OBP2B: variants seen among roughly 807,000 people sequenced by gnomAD.
OBP2B encodes the protein odorant-binding protein 2b.
Under a neutral mutation model 21.7 loss-of-function variants are expected in OBP2B, and 10 were observed. The ratio of observed to expected loss-of-function variants is 0.46; its 90% CI spans 0.28 to 0.78. OBP2B has a LOEUF of 0.78. Ranked by LOEUF, OBP2B falls within the 30% of genes least tolerant of loss-of-function variation. The probability of loss-of-function intolerance (pLI) is 0.11; values close to 1 mark genes in which losing one functional copy is unlikely to be tolerated. For synonymous variants in OBP2B, 73 were observed against 91.5 expected, an observed-to-expected ratio of 0.80 and a Z score of 1.16; for missense variants, 153 against 217.7, an observed-to-expected ratio of 0.70 and a Z score of 1.87.
the OBP2B span, among the ~76,000 whole-genome samples, chr9:133,222,164 T>C: frequency 6.6e-6 from 1 of 151,828 alleles, no homozygotes; most frequent in African/African-American, 2.4e-5. Context: ...ACGGCAGAGC[T>C]CTCAGCATGG....
chr9:133,217,566 AG>A, the OBP2B span, among the ~76,000 whole-genome samples: 1 of 152,218 alleles, frequency 6.6e-6, no homozygotes, highest in Non-Finnish European at 1.5e-5. Flanking sequence ...CATTGAATTC[AG>A]GGGACCGCCC....
chr9:133,214,600 C>T, the OBP2B span, among the ~76,000 whole-genome samples: 225 of 152,234 alleles, frequency 1.5e-3, 1 homozygote, highest in African/African-American at 4.7e-3. Context: ...TGTAACTCCC[C>T]CTAAGAGGGA....
the OBP2B span, among the ~76,000 whole-genome samples, chr9:133,218,059 T>G: frequency 3.3e-5 from 5 of 152,190 alleles, no homozygotes; most frequent in African/African-American, 1.2e-4. Context: ...GACAGGAGTG[T>G]CAGGACAAGG....
At position 133,207,878 on chromosome 9, in the gene OBP2B, C is replaced by T. The variant is rs782370424; in HGVS notation, c.277+255G>A. ...TCCTTGTCCCAATCCTCAGCTTCCT[C>T]AATGTGTCAATGGCTAGGGCCTCCC... On this transcript the variant is annotated intron_variant, in intron 3 of 6. Transcript: ENST00000372034. 3.9e-6 allele frequency: 6 copies of T among 1,525,838 alleles called. No individual in the cohort carries two copies. In the South Asian group the frequency reaches 7.2e-5, roughly 18 times the overall value. 94.5% of individuals were successfully genotyped at this position (1,525,838 alleles called of 1,614,324 possible). A position where few individuals can be genotyped will look rare whatever the true frequency, so the allele number is the denominator to read the frequency against.
chr9:133,215,178 T>TA, the OBP2B span, among the ~76,000 whole-genome samples: 2 of 151,982 alleles, frequency 1.3e-5, no homozygotes, highest in Non-Finnish European at 2.9e-5. Context: ...TTATAGTGGC[T>TA]AAAAAAAAGA....
intron 4 of OBP2B, 51 bp downstream of exon 4, chr9:133,207,175 C>G (rs1833750323): frequency 1.6e-6 from 2 of 1,287,288 alleles, no homozygotes; most frequent in Non-Finnish European, 1.1e-6. Context: ...CACCGGCTTC[C>G]AGAGGCAGAG....
At chr9:133,221,187 T>A in the OBP2B span, among the ~76,000 whole-genome samples, 1 of 152,190 alleles carries the variant, frequency 6.6e-6, no homozygotes, top group East Asian at 1.9e-4. Flanking sequence ...AAGGGGAGCA[T>A]GAATATCTAT....
At chr9:133,218,382 G>T in the OBP2B span, among the ~76,000 whole-genome samples, 4 of 152,238 alleles carry the variant, frequency 2.6e-5, no homozygotes, top group Non-Finnish European at 5.9e-5. Context: ...AAAGACCCTG[G>T]AGAGCTCTGA....
At chr9:133,222,787 C>T in the OBP2B span, among the ~76,000 whole-genome samples, 3,557 of 152,068 alleles carry the variant, frequency 0.023, 135 homozygotes, top group African/African-American at 0.082. Context: ...ATGTGACCTT[C>T]AGGAAGAATG....
At chr9:133,221,389 G>C in the OBP2B span, among the ~76,000 whole-genome samples, 4 of 152,188 alleles carry the variant, frequency 2.6e-5, no homozygotes, top group African/African-American at 4.8e-5. Flanking sequence ...GCTTGGGTGT[G>C]CACAGATGCA....
In OBP2B at chr9:133,206,409, A is replaced by G; in HGVS notation, c.396T>C (p.Asn132=). The G allele has an allele frequency of 6.2e-7, 1 of 1,613,986 alleles. No homozygotes were observed. Among genetic ancestry groups the G allele is most frequent in the Non-Finnish European group, 8.5e-7 (1 of 1,179,926 alleles). Residue 132 remains asparagine (N), a synonymous_variant, in exon 5 of 7, where the codon AAT becomes AAC. Transcript: ENST00000372034. ...LLHMGKLVGR[N]SDTNREALEE... ...CCAGGGCCTCCCGGTTGGTATCAGA[A>G]TTCCTACCTGCAGGTGAGGTGGCCA...
chr9:133,207,305 CTCCTGCAGGTACATGAGCT>C lies in OBP2B; in HGVS notation c.290_308del (p.Lys97SerfsTer105), dbSNP rs782285845. On this transcript the variant is annotated frameshift_variant, in exon 4 of 7. Coordinates refer to ENST00000372034, the MANE Select transcript of OBP2B (RefSeq NM_014581.4). LOFTEE classifies it high-confidence loss of function. ...AGATGTAGTGGTCCCTCCTGGGCAGCTCCTGCAGGTACATGAGCTTCCTGCCCCCATCTGTAGATGACAG... is the reference window on the plus strand; with the variant it reads ...AGATGTAGTGGTCCCTCCTGGGCAGCTCCTGCCCCCATCTGTAGATGACAG... The C allele has an allele frequency of 6.8e-6, 11 of 1,613,606 alleles. No homozygotes were observed. The African/African-American group carries it at 1.5e-4, about 22-fold the overall frequency.
chr9:133,220,841 C>T, the OBP2B span, among the ~76,000 whole-genome samples: 2 of 151,968 alleles, frequency 1.3e-5, no homozygotes, highest in Non-Finnish European at 2.9e-5. Context: ...GGCTGGGGAG[C>T]GAGGGAGGGA....
At chr9:133,214,430 C>T in the OBP2B span, among the ~76,000 whole-genome samples, 1 of 152,150 alleles carries the variant, frequency 6.6e-6, no homozygotes, top group African/African-American at 2.4e-5. Context: ...CTGGACTGAG[C>T]GAAGGGGTTT....
rs1436699136 is a variant in OBP2B, at chr9:133,208,473, A to T, written c.202T>A (p.Phe68Ile). Reference sequence around the variant, plus strand: ...CCTGCAGTGGGCAACACTCACATGAAGGTGAACGTGGCTTCCAACTTCCCA... The same window carrying T: ...CCTGCAGTGGGCAACACTCACATGATGGTGAACGTGGCTTCCAACTTCCCA... Reference protein sequence around the residue: ...GGGKLEATFTFMREDRCIQKK... With the variant: ...GGGKLEATFTIMREDRCIQKK... Residue 68 changes from phenylalanine to isoleucine, a missense_variant, in exon 2 of 7, where the codon TTC (phenylalanine) becomes ATC (isoleucine). By Grantham distance (21) the Phe-to-Ile change is conservative. Transcript: ENST00000372034. 6.2e-7 allele frequency: 1 copy of T among 1,613,560 alleles called. No individual in the cohort carries two copies. Among genetic ancestry groups the T allele is most frequent in the African/African-American group, 1.3e-5 (1 of 74,892 alleles).
chr9:133,208,959 G>GGA (rs1833845446), intron 1 of OBP2B, among the ~76,000 whole-genome samples, 169 bp downstream of exon 1: 1 of 151,424 alleles, frequency 6.6e-6, no homozygotes, highest in Non-Finnish European at 1.5e-5. Context: ...GGCCTCGGGG[G>GGA]GCCGTGTCTG....
chr9:133,218,228 C>T, the OBP2B span, among the ~76,000 whole-genome samples: 99,368 of 152,014 alleles, frequency 0.65, 34,865 homozygotes, highest in Non-Finnish European at 0.81. Flanking sequence ...GGTGGGAGAA[C>T]GCTGGCAGTT....
intron 4 of OBP2B, among the ~76,000 whole-genome samples, chr9:133,206,922 C>T (rs1168185355): frequency 2.0e-5 from 3 of 152,000 alleles, no homozygotes; most frequent in African/African-American, 7.2e-5. Flanking sequence ...GGGTCCCTGC[C>T]CCATGAAGAG....
At chr9:133,214,085 T>C (rs748669526), upstream of OBP2B, among the ~76,000 whole-genome samples, 4 of 152,190 alleles carry the variant, frequency 2.6e-5, no homozygotes, top group Non-Finnish European at 5.9e-5. Flanking sequence ...AAATCAACCA[T>C]ATTAATATGT....
Sources: allele counts gnomAD v4.1 joint callset (sites outside exome capture counted in the v4.1 genomes callset), GRCh38; gene constraint gnomAD v4.1.1; transcripts MANE v1.5; gene names NCBI Gene and HGNC (gene_info 2026-07-23, HGNC 2026-07-21).